Variants in MEF2C observed in about 807,000 individuals in gnomAD.
The protein encoded by MEF2C is myocyte enhancer factor 2C.
In MEF2C, 6 loss-of-function variants were observed where a neutral mutation model predicts 50.5. That is an observed-to-expected ratio of 0.12 (90% CI 0.07 to 0.23). The LOEUF is 0.23. Ranked by LOEUF, MEF2C falls within the 10% of genes least tolerant of loss-of-function variation. The pLI is 1.00. For missense variants in MEF2C, 276 were observed against 605.0 expected (o/e 0.46, Z 5.70); for synonymous variants, 183 against 228.0 (o/e 0.80, Z 1.78).
intron 6 of MEF2C, chr5:88,734,565 GTTTTTTTTTTTTTTTT>G (rs66505441): frequency 7.0e-5 from 38 of 541,952 alleles, no homozygotes; most frequent in East Asian, 2.6e-4. Flanking sequence ...AGAAAAGTTT[GTTTTTTTTTTTTTTTT>G]TTTTTTTTTT....
intron 2 of MEF2C, among the ~76,000 whole-genome samples, chr5:88,811,225 T>C (rs965354269): frequency 2.2e-4 from 34 of 152,160 alleles, no homozygotes; most frequent in African/African-American, 8.2e-4. Context: ...ATCTGGAATG[T>C]ATAACTCAGA....
At chr5:88,740,914 T>C (rs147107813) in intron 6 of MEF2C, 1 of 985,438 alleles carries the variant, frequency 1.0e-6, no homozygotes, top group African/African-American at 1.7e-5. Flanking sequence ...ATTCTTTCAG[T>C]CATTTTTATA....
intron 6 of MEF2C, chr5:88,736,073 C>A: frequency 4.1e-6 from 4 of 985,338 alleles, no homozygotes; most frequent in Non-Finnish European, 4.8e-6. Context: ...CTTCTATTAT[C>A]CCCTCTCCTC....
rs781241835 is a variant in MEF2C at position 88,719,444 on chromosome 5, A to T, written c.*3160T>A. 2.0e-5 allele frequency: 3 copies of T among 152,244 alleles called. No homozygotes were observed. The highest frequency in any genetic ancestry group is 4.4e-5 in the Non-Finnish European group (3 of 68,030). 9.4% of individuals were successfully genotyped at this position (152,244 alleles called of 1,614,324 possible). ...GTTACCAGTATTCAAGCTTCATATT[A>T]CCAAAAATCTTTTAAAATAGGATTA... On this transcript the variant is annotated 3_prime_UTR_variant, in exon 11 of 11. Transcript: ENST00000504921.
At chr5:88,781,394 C>A (rs559816864) in intron 3 of MEF2C, among the ~76,000 whole-genome samples, 2 of 152,270 alleles carry the variant, frequency 1.3e-5, no homozygotes, top group African/African-American at 4.8e-5. Flanking sequence ...TTAATTCTTA[C>A]AGGAAGACCA....
At chr5:88,753,945 C>T (rs563363892) in intron 4 of MEF2C, among the ~76,000 whole-genome samples, 1 of 152,258 alleles carries the variant, frequency 6.6e-6, no homozygotes, top group African/African-American at 2.4e-5. Flanking sequence ...TATTGTATTT[C>T]TTCATTAAAA....
intron 1 of MEF2C, among the ~76,000 whole-genome samples, chr5:88,840,350 T>C (rs1816883229): frequency 6.6e-6 from 1 of 152,250 alleles, no homozygotes; most frequent in Non-Finnish European, 1.5e-5. Flanking sequence ...GCTTTATGTC[T>C]GTTCTTTTAA....
chr5:88,723,051 C>CACT, intron 10 of MEF2C, 126 bp from the exon 11 acceptor site: 1 of 881,242 alleles, frequency 1.1e-6, no homozygotes, highest in East Asian at 2.7e-5. Flanking sequence ...GTGAAGAAAA[C>CACT]GTGCTTGGAA....
chr5:88,858,187 G>T (rs1824163328), intron 1 of MEF2C, among the ~76,000 whole-genome samples: 1 of 151,994 alleles, frequency 6.6e-6, no homozygotes, highest in Non-Finnish European at 1.5e-5. Flanking sequence ...GCAAAAACAG[G>T]ATCTCCTCAA....
At chr5:88,849,999 A>C (rs1046240443) in intron 1 of MEF2C, among the ~76,000 whole-genome samples, 1 of 152,104 alleles carries the variant, frequency 6.6e-6, no homozygotes. Flanking sequence ...GGTTAGTTAC[A>C]TATGTATACA....
Position 88,734,565 on chromosome 5 carries a change from GTTTT to G in MEF2C, c.638-2668_638-2665del, listed in dbSNP as rs66505441. 8.8e-3 allele frequency: 4,745 copies of G among 538,576 alleles called. 8 individuals carry two copies. Among genetic ancestry groups the G allele is most frequent in the South Asian group, 0.01 (100 of 9,748 alleles). 33.4% of individuals were successfully genotyped at this position (538,576 alleles called of 1,614,324 possible). The stretch of plus-strand genomic sequence containing the variant: ...TTCACGGAGGCCTTGAGAAAAGTTT[GTTTT>G]TTTTTTTTTTTTTTTTTTTTTTTTT... On this transcript the variant is annotated intron_variant, in intron 6 of 10. Transcript: ENST00000504921.
intron 6 of MEF2C, chr5:88,746,663 T>C (rs893034311): frequency 3.0e-6 from 3 of 985,414 alleles, no homozygotes; most frequent in South Asian, 4.7e-5. Context: ...GCTGGCCTTG[T>C]TTTCCTCTGG....
At position 88,779,993 on chromosome 5, in the gene MEF2C, A is replaced by C. The variant is rs187562424; in HGVS notation, c.259-18665T>G. Among the ~76,000 whole-genome samples, 11 of 152,052 alleles carry C rather than the reference A, an allele frequency of 7.2e-5. No homozygotes were observed. In the East Asian group the frequency reaches 2.1e-3, roughly 29 times the overall value. ...AACCCCCTCTCTACTAAAAATACAA[A>C]AAAATTAGCTGGGCATGGTGGCAGG... On this transcript the variant is annotated intron_variant, in intron 3 of 10. Coordinates refer to ENST00000504921, the MANE Select transcript of MEF2C (RefSeq NM_002397.5).
At chr5:88,875,518 A>G (rs1016868726) in intron 1 of MEF2C, among the ~76,000 whole-genome samples, 4 of 151,870 alleles carry the variant, frequency 2.6e-5, no homozygotes, top group African/African-American at 9.7e-5. Flanking sequence ...AAGTACAGAT[A>G]TCTGATTGGG....
At chr5:88,882,453 A>C (rs948525306) in intron 1 of MEF2C, among the ~76,000 whole-genome samples, 6 of 152,242 alleles carry the variant, frequency 3.9e-5, no homozygotes, top group African/African-American at 1.4e-4. Context: ...ACTCTGACAG[A>C]CAGCCATGCT....
At chr5:88,739,598 G>A (rs1765629639) in intron 6 of MEF2C, 1 of 984,886 alleles carries the variant, frequency 1.0e-6, no homozygotes, top group Non-Finnish European at 1.2e-6. Flanking sequence ...GGAAGTGACA[G>A]TTGAAAAAAA....
At chr5:88,733,848 A>G in intron 6 of MEF2C, 2 of 985,442 alleles carry the variant, frequency 2.0e-6, no homozygotes, top group Non-Finnish European at 2.4e-6. Context: ...CTCACTTAAG[A>G]AATGTTGGTT....
At chr5:88,751,170 T>C (rs1391606802) in intron 5 of MEF2C, 4 of 966,572 alleles carry the variant, frequency 4.1e-6, no homozygotes, top group South Asian at 4.8e-5. Context: ...ATAATGTATT[T>C]TGATTGTTCT....
At chr5:88,869,288 T>C (rs866098169) in intron 1 of MEF2C, among the ~76,000 whole-genome samples, 9 of 71,324 alleles carry the variant, frequency 1.3e-4, no homozygotes, top group Admixed American at 6.1e-4. Context: ...CATATATATA[T>C]ATATATACAC....
Sources: allele counts gnomAD v4.1 joint callset (sites outside exome capture counted in the v4.1 genomes callset), GRCh38; gene constraint gnomAD v4.1.1; transcripts MANE v1.5; gene names NCBI Gene and HGNC (gene_info 2026-07-23, HGNC 2026-07-21).